NFIA: variants seen among roughly 807,000 people sequenced by gnomAD.
NFIA encodes the protein nuclear factor I A, also known as nuclear factor 1 A-type.
A neutral mutation model predicts 62.8 loss-of-function variants in NFIA; 8 were observed. The ratio of observed to expected loss-of-function variants is 0.13; its 90% CI spans 0.07 to 0.23. The LOEUF is 0.23. NFIA is among the 10% of genes least tolerant of loss of function. The pLI is 1.00. For missense variants in NFIA, 410 were observed against 642.1 expected (o/e 0.64, Z 3.91); for synonymous variants, 235 against 238.1 (o/e 0.99, Z 0.12).
At chr1:61,298,126 G>A (rs940452720) in intron 3 of NFIA, among the ~76,000 whole-genome samples, 28 of 152,148 alleles carry the variant, frequency 1.8e-4, no homozygotes, top group African/African-American at 6.8e-4. Context: ...TGTCAAGGGA[G>A]GGAAGTGATT....
At chr1:61,247,077 TGCATTC>T (rs2100651946) in intron 2 of NFIA, among the ~76,000 whole-genome samples, 1 of 152,330 alleles carries the variant, frequency 6.6e-6, no homozygotes, top group African/African-American at 2.4e-5. Flanking sequence ...CATCTGTTTT[TGCATTC>T]ATTCTTCCAG....
At chr1:61,332,138 A>G (rs1170895801) in intron 3 of NFIA, among the ~76,000 whole-genome samples, 1 of 152,236 alleles carries the variant, frequency 6.6e-6, no homozygotes, top group Admixed American at 6.5e-5. Context: ...TGTTTAAAAA[A>G]CTATGATGGA....
intron 3 of NFIA, among the ~76,000 whole-genome samples, chr1:61,294,908 T>G (rs1056093601): frequency 1.3e-5 from 2 of 152,200 alleles, no homozygotes; most frequent in African/African-American, 4.8e-5. Flanking sequence ...TATTCAGTAC[T>G]CGATATTCAG....
chr1:61,373,177 A>T (rs566814241), intron 6 of NFIA, among the ~76,000 whole-genome samples: 1 of 152,288 alleles, frequency 6.6e-6, no homozygotes, highest in East Asian at 1.9e-4. Flanking sequence ...GAAGGATGGC[A>T]GGCAGATTTC....
At chr1:61,402,549 A>T (rs1255975678) in intron 7 of NFIA, among the ~76,000 whole-genome samples, 1 of 152,206 alleles carries the variant, frequency 6.6e-6, no homozygotes, top group African/African-American at 2.4e-5. Context: ...ATTTACGAAG[A>T]TGGAGAAGGC....
chr1:61,412,682 G>T (rs544728159), intron 9 of NFIA, among the ~76,000 whole-genome samples: 1 of 152,280 alleles, frequency 6.6e-6, no homozygotes, highest in South Asian at 2.1e-4. Flanking sequence ...ATAATAAGCT[G>T]CCTTTCACAG....
At chr1:61,329,917 A>G (rs1015438326) in intron 3 of NFIA, among the ~76,000 whole-genome samples, 1 of 152,140 alleles carries the variant, frequency 6.6e-6, no homozygotes, top group Admixed American at 6.5e-5. Context: ...GCTGGTGAAG[A>G]GGGAAGGTCC....
intron 2 of NFIA, among the ~76,000 whole-genome samples, chr1:61,157,784 C>G (rs1648918312): frequency 2.0e-5 from 3 of 152,206 alleles, no homozygotes. Context: ...AAAAAGGAAG[C>G]TTGGCGTAGA....
chr1:61,217,536 T>G (rs763222725), intron 2 of NFIA, among the ~76,000 whole-genome samples: 5 of 152,196 alleles, frequency 3.3e-5, no homozygotes, highest in Non-Finnish European at 5.9e-5. Flanking sequence ...CTCAGAAACA[T>G]GAGTTTTGCT....
At chr1:61,293,888 T>G (rs754032943) in intron 3 of NFIA, among the ~76,000 whole-genome samples, 1 of 152,216 alleles carries the variant, frequency 6.6e-6, no homozygotes, top group Non-Finnish European at 1.5e-5. Flanking sequence ...AAACCAAAAT[T>G]GCTTTTTATT....
At chr1:61,167,593 G>A (rs1649672512) in intron 2 of NFIA, among the ~76,000 whole-genome samples, 1 of 152,224 alleles carries the variant, frequency 6.6e-6, no homozygotes, top group African/African-American at 2.4e-5. Context: ...AGTCTGCATT[G>A]TCTCTGAGAA....
At chr1:61,268,790 G>C (rs549921443) in intron 2 of NFIA, among the ~76,000 whole-genome samples, 18 of 152,270 alleles carry the variant, frequency 1.2e-4, no homozygotes, top group Non-Finnish European at 2.4e-4. Context: ...CTGGGCTCAA[G>C]ATTTTGCAGG....
intron 7 of NFIA, among the ~76,000 whole-genome samples, chr1:61,401,643 G>A (rs527349485): frequency 1.3e-5 from 2 of 152,118 alleles, no homozygotes; most frequent in African/African-American, 2.4e-5. Flanking sequence ...CTGAGGCAGC[G>A]GCACTTTATC....
chr1:61,079,760 G>C (rs1450662598), upstream of NFIA, among the ~76,000 whole-genome samples: 1 of 152,044 alleles, frequency 6.6e-6, no homozygotes, highest in Non-Finnish European at 1.5e-5. Context: ...AAGTGCCTTA[G>C]TATCTTTGTG....
chr1:61,212,638 T>G (rs1653339693), intron 2 of NFIA, among the ~76,000 whole-genome samples: 1 of 152,194 alleles, frequency 6.6e-6, no homozygotes, highest in South Asian at 2.1e-4. Flanking sequence ...ACATTGCAGT[T>G]GTCCTTATTG....
At chr1:61,113,873 G>A (rs945341712) in intron 2 of NFIA, among the ~76,000 whole-genome samples, 7 of 152,158 alleles carry the variant, frequency 4.6e-5, no homozygotes, top group Non-Finnish European at 1.0e-4. Context: ...TTTACATAGC[G>A]GAGGGTATTG....
chr1:61,400,523 GCAA>G (rs1408875695), intron 7 of NFIA, among the ~76,000 whole-genome samples: 2 of 152,164 alleles, frequency 1.3e-5, no homozygotes, highest in East Asian at 1.9e-4. Flanking sequence ...TGGATGCACT[GCAA>G]TAAACTGTAA....
chr1:61,258,125 TAATA>T (rs1477860829), intron 2 of NFIA, among the ~76,000 whole-genome samples: 3 of 152,212 alleles, frequency 2.0e-5, no homozygotes, highest in Non-Finnish European at 4.4e-5. Flanking sequence ...TGTAGTATGT[TAATA>T]AATAGCATCT....
intron 2 of NFIA, among the ~76,000 whole-genome samples, chr1:61,100,295 C>T (rs1478388282): frequency 2.0e-5 from 3 of 152,086 alleles, no homozygotes; most frequent in Admixed American, 6.5e-5. Context: ...TCATTTCCAT[C>T]GGTGCGGATG....
Sources: gnomAD v4.1 joint callset for allele counts (sites outside exome capture counted in the v4.1 genomes callset) on GRCh38, gnomAD v4.1.1 for gene constraint, MANE v1.5 for transcripts, NCBI Gene and HGNC (gene_info 2026-07-23, HGNC 2026-07-21) for gene names.